Variants in TBX15 observed in about 807,000 individuals in gnomAD.
TBX15 encodes T-box transcription factor TBX15.
Under a neutral mutation model 53.9 loss-of-function variants are expected in TBX15, and 18 were observed. That is an observed-to-expected ratio of 0.33 (90% confidence interval 0.23 to 0.49). TBX15 has a LOEUF of 0.49. Among genes scored for constraint, TBX15 ranks in the 20% least tolerant of loss-of-function variants. The probability of loss-of-function intolerance (pLI) is 0.98; values close to 1 mark genes in which losing one functional copy is unlikely to be tolerated. For synonymous variants in TBX15, 295 were observed against 278.0 expected, an observed-to-expected ratio of 1.06 and a Z score of -0.61; for missense variants, 692 against 749.5, an observed-to-expected ratio of 0.92 and a Z score of 0.90.
rs1571142230 is a variant in TBX15, at chr1:118,885,080, G to A, written c.1461C>T (p.Ala487=). Residue 487 remains alanine, a synonymous_variant, in exon 8 of 8, where the codon GCC becomes GCT. Transcript: ENST00000369429. The part of the protein sequence containing the change: ...FQYVMQAGNA[A]SSSSSPHMFG... Reference sequence around the variant, plus strand: ...ACATGTGTGGTGATGAGGAGCTGGAGGCAGCATTGCCTGCCTGCATGACAT... The same window carrying A: ...ACATGTGTGGTGATGAGGAGCTGGAAGCAGCATTGCCTGCCTGCATGACAT... 6.2e-7 allele frequency: 1 copy of A among 1,614,182 alleles called. No individual in the cohort carries two copies. Among genetic ancestry groups the A allele is most frequent in the Non-Finnish European group, 8.5e-7 (1 of 1,180,032 alleles).
chr1:118,915,542 A>G (rs1655188935), intron 5 of TBX15, among the ~76,000 whole-genome samples: 1 of 152,222 alleles, frequency 6.6e-6, no homozygotes, highest in African/African-American at 2.4e-5. Context: ...GCAATTTTAC[A>G]TGTATTTTAT....
intron 1 of TBX15, among the ~76,000 whole-genome samples, chr1:118,960,688 A>G (rs182373742): frequency 1.3e-4 from 20 of 152,312 alleles, no homozygotes; most frequent in Non-Finnish European, 2.1e-4. Context: ...CTACTGAGTG[A>G]GCCGGCAGAG....
chr1:118,914,552 A>G (rs1020977869), intron 5 of TBX15, among the ~76,000 whole-genome samples: 3 of 152,190 alleles, frequency 2.0e-5, no homozygotes, highest in African/African-American at 7.2e-5. Flanking sequence ...ATGCTTGTTG[A>G]ATGAGTGAGT....
intron 1 of TBX15, among the ~76,000 whole-genome samples, chr1:118,959,290 C>A (rs145873734): frequency 6.6e-6 from 1 of 152,050 alleles, no homozygotes; most frequent in Non-Finnish European, 1.5e-5. Flanking sequence ...AGCCTTCAGG[C>A]GAATAAGAAT....
intron 1 of TBX15, among the ~76,000 whole-genome samples, chr1:118,963,981 C>T (rs1040964948): frequency 6.6e-6 from 1 of 152,146 alleles, no homozygotes; most frequent in African/African-American, 2.4e-5. Context: ...ATCTGACAGC[C>T]AAAATGGAGA....
intron 1 of TBX15, among the ~76,000 whole-genome samples, chr1:118,985,662 C>A (rs1044424590): frequency 6.6e-6 from 1 of 152,224 alleles, no homozygotes; most frequent in Admixed American, 6.5e-5. Flanking sequence ...ACACTTGCCC[C>A]ACAAATATAT....
intron 2 of TBX15, among the ~76,000 whole-genome samples, chr1:118,928,695 A>T (rs2101605952): frequency 6.6e-6 from 1 of 152,304 alleles, no homozygotes; most frequent in South Asian, 2.1e-4. Context: ...CACGAAAGAG[A>T]GAGATTTCTT....
intron 5 of TBX15, among the ~76,000 whole-genome samples, chr1:118,916,841 G>A (rs1571171680): frequency 6.6e-6 from 1 of 151,946 alleles, no homozygotes; most frequent in Middle Eastern, 3.4e-3. Context: ...ACTCCAGCCT[G>A]GATGACAGAG....
chr1:118,927,858 T>C (rs1655649895), intron 2 of TBX15, among the ~76,000 whole-genome samples: 2 of 152,338 alleles, frequency 1.3e-5, no homozygotes, highest in South Asian at 4.1e-4. Flanking sequence ...CATAAAAAGT[T>C]CTCAGTTCAA....
intron 6 of TBX15, among the ~76,000 whole-genome samples, chr1:118,902,788 C>G (rs748125382): frequency 4.5e-4 from 68 of 152,088 alleles, no homozygotes; most frequent in Non-Finnish European, 6.5e-4. Context: ...AGAGTTCTTG[C>G]CAACCACCTA....
At position 118,924,712 on chromosome 1, in the gene TBX15, C is replaced by A. The variant is rs1306965761; in HGVS notation, c.627G>T (p.Trp209Cys). ...TGTCAAAACTGACCACCTGTCTCAT[C>A]CAGGTGTCTCCAGAAGCTAGAGAAT... Reference protein sequence around the residue: ...HPDSLASGDTWMRQVVSFDKL... With the variant: ...HPDSLASGDTCMRQVVSFDKL... Residue 209 changes from tryptophan (W) to cysteine (C), a missense_variant, in exon 4 of 8, where the codon TGG becomes TGT. Physicochemically the swap from Trp to Cys is radical, Grantham distance 215. This residue lies in a region of TBX15 where 307 missense variants were observed against 347.5 expected (regional missense o/e 0.88). Coordinates refer to ENST00000369429, the MANE Select transcript of TBX15 (RefSeq NM_001330677.2). The A allele has an allele frequency of 4.3e-6, 7 of 1,613,884 alleles. No individual in the cohort carries two copies. Among genetic ancestry groups the A allele is most frequent in the Non-Finnish European group, 5.9e-6 (7 of 1,179,974 alleles).
chr1:118,922,259 G>C (rs563028454), intron 5 of TBX15, among the ~76,000 whole-genome samples: 1 of 152,302 alleles, frequency 6.6e-6, no homozygotes, highest in South Asian at 2.1e-4. Flanking sequence ...TGACGACAGA[G>C]AGATCAAAGT....
chr1:118,898,159 A>G (rs1050282629), intron 7 of TBX15, among the ~76,000 whole-genome samples: 1 of 152,242 alleles, frequency 6.6e-6, no homozygotes, highest in Non-Finnish European at 1.5e-5. Context: ...TCACAAAGCT[A>G]GAAAGGATCA....
intron 1 of TBX15, among the ~76,000 whole-genome samples, chr1:118,936,907 C>T (rs1447911181): frequency 6.6e-6 from 1 of 152,138 alleles, no homozygotes; most frequent in African/African-American, 2.4e-5. Context: ...GACTAGGTTA[C>T]ATATTAATGG....
chr1:118,913,977 C>T (rs1655107366), intron 6 of TBX15, 138 bp downstream of exon 6: 1 of 795,460 alleles, frequency 1.3e-6, no homozygotes, highest in Admixed American at 2.2e-5. Context: ...GTTAGCTATC[C>T]ATTTCTCTTT....
intron 1 of TBX15, among the ~76,000 whole-genome samples, chr1:118,953,734 T>C (rs1402699755): frequency 6.6e-6 from 1 of 152,226 alleles, no homozygotes; most frequent in African/African-American, 2.4e-5. Flanking sequence ...GTTTTCACTC[T>C]CAAGAAAGTG....
intron 7 of TBX15, among the ~76,000 whole-genome samples, chr1:118,897,628 G>T (rs1033721436): frequency 9.2e-5 from 14 of 152,100 alleles, no homozygotes; most frequent in African/African-American, 3.4e-4. Flanking sequence ...GAGAATACTG[G>T]CATGCAGGAA....
intron 6 of TBX15, among the ~76,000 whole-genome samples, chr1:118,911,488 C>T (rs1397813436): frequency 2.0e-5 from 3 of 152,188 alleles, no homozygotes; most frequent in Non-Finnish European, 2.9e-5. Flanking sequence ...GTAAGACAGT[C>T]ACCAGCCTTC....
intron 1 of TBX15, among the ~76,000 whole-genome samples, chr1:118,946,333 C>T (rs1656346703): frequency 6.6e-6 from 1 of 152,058 alleles, no homozygotes; most frequent in Non-Finnish European, 1.5e-5. Context: ...AATGGACAAG[C>T]TTTGGAGGTT....
Sources: allele counts gnomAD v4.1 joint callset (sites outside exome capture counted in the v4.1 genomes callset), GRCh38; gene constraint gnomAD v4.1.1; regional missense constraint gnomAD v4.1.1; transcripts MANE v1.5; gene names NCBI Gene and HGNC (gene_info 2026-07-23, HGNC 2026-07-21).